SCAPER: variants seen among roughly 807,000 people sequenced by gnomAD.
SCAPER encodes S phase cyclin A-associated protein in the endoplasmic reticulum.
SCAPER carries 98 observed loss-of-function variants against 182.2 expected under a neutral mutation model. The ratio of observed to expected loss-of-function variants is 0.54; its 90% CI spans 0.46 to 0.64. SCAPER has a LOEUF of 0.64. Among genes scored for constraint, SCAPER ranks in the 30% least tolerant of loss-of-function variants. The probability of loss-of-function intolerance (pLI) is 0.00; values close to 1 mark genes in which losing one functional copy is unlikely to be tolerated. For missense variants in SCAPER, 1,432 were observed against 1,690.0 expected (o/e 0.85, Z 2.68); for synonymous variants, 605 against 564.6 (o/e 1.07, Z -1.01).
At chr15:76,429,697 A>G (rs1014228766) in intron 26 of SCAPER, among the ~76,000 whole-genome samples, 4 of 145,978 alleles carry the variant, frequency 2.7e-5, no homozygotes, top group Admixed American at 7.2e-5. Flanking sequence ...GTGCTGTTAA[A>G]AAGCATTCAA....
chr15:76,440,984 C>A (rs980735915), intron 25 of SCAPER, among the ~76,000 whole-genome samples: 3 of 133,172 alleles, frequency 2.3e-5, no homozygotes, highest in African/African-American at 8.7e-5. Flanking sequence ...TGCAGTGGCA[C>A]GATCTTGGCT....
At chr15:76,832,853 T>C (rs951375134) in intron 5 of SCAPER, among the ~76,000 whole-genome samples, 2 of 152,216 alleles carry the variant, frequency 1.3e-5, no homozygotes, top group Admixed American at 6.5e-5. Flanking sequence ...CAGAAACAGA[T>C]GCTGGATGCT....
chr15:76,896,068 T>C, intron 1 of SCAPER, among the ~76,000 whole-genome samples: 1 of 148,464 alleles, frequency 6.7e-6, no homozygotes, highest in Non-Finnish European at 1.5e-5. Context: ...CCATTTACAA[T>C]AGCATAAAAG....
In SCAPER at chr15:76,597,487, T is replaced by G. The variant is rs1377834872; in HGVS notation, c.2712-23203A>C. The stretch of plus-strand genomic sequence containing the variant: ...TCATATGGAACCAAAAAAGAGCCTG[T>G]ACAGCCAAGAGAATCCTAAGCAAAA... On this transcript the variant is annotated intron_variant, in intron 22 of 31. Coordinates refer to ENST00000563290, the MANE Select transcript of SCAPER (RefSeq NM_020843.4). Among the ~76,000 whole-genome samples the G allele has an allele frequency of 2.5e-5, 3 of 120,576 alleles. 1 individual carries two copies. Among genetic ancestry groups the G allele is most frequent in the African/African-American group, 7.6e-5 (3 of 39,540 alleles). 79.1% of individuals were successfully genotyped at this position (120,576 alleles called of 152,430 possible). A position where few individuals can be genotyped will look rare whatever the true frequency, so the allele number is the denominator to read the frequency against.
At chr15:76,652,335 C>T (rs867275162) in intron 21 of SCAPER, among the ~76,000 whole-genome samples, 5 of 15,016 alleles carry the variant, frequency 3.3e-4, no homozygotes, top group African/African-American at 4.4e-4. Context: ...CACACACATA[C>T]ACATATATAC....
At position 76,774,476 on chromosome 15, in the gene SCAPER, A is replaced by G. The variant is rs1053336425; in HGVS notation, c.1035+379T>C. On this transcript the variant is annotated intron_variant, in intron 9 of 31. Coordinates refer to ENST00000563290, the MANE Select transcript of SCAPER (RefSeq NM_020843.4). ...ATAGACTATAAATTAAATAATACATAGATATCAAATTCTCCAAATTTTATA... is the reference window on the plus strand; with the variant it reads ...ATAGACTATAAATTAAATAATACATGGATATCAAATTCTCCAAATTTTATA... 3 of 327,210 alleles carry G rather than the reference A, an allele frequency of 9.2e-6. No individual in the cohort carries two copies. The Admixed American group carries it at 1.4e-4, about 15-fold the overall frequency. The allele number at this position is 327,210 out of a possible 1,614,324, so 20.3% of individuals were successfully genotyped here.
intron 23 of SCAPER, among the ~76,000 whole-genome samples, chr15:76,556,568 CA>C (rs2046214788): frequency 6.6e-6 from 1 of 152,006 alleles, no homozygotes; most frequent in Non-Finnish European, 1.5e-5. Context: ...CACAGATGTA[CA>C]AAAAACCCTC....
intron 15 of SCAPER, among the ~76,000 whole-genome samples, chr15:76,738,996 A>G (rs563637632): frequency 7.2e-5 from 11 of 152,348 alleles, no homozygotes; most frequent in African/African-American, 1.9e-4. Context: ...AAAACAATGC[A>G]TGCCTGTACA....
At chr15:76,754,058 T>C (rs2062259779) in intron 14 of SCAPER, 110 bp from the exon 15 acceptor site, 1 of 1,152,020 alleles carries the variant, frequency 8.7e-7, no homozygotes, top group Non-Finnish European at 1.2e-6. Context: ...TGGAAAAATG[T>C]GCAGCAACAT....
At chr15:76,587,457 C>T (rs879487931) in intron 22 of SCAPER, among the ~76,000 whole-genome samples, 3 of 152,066 alleles carry the variant, frequency 2.0e-5, no homozygotes, top group Non-Finnish European at 4.4e-5. Flanking sequence ...TTTGCTGTAT[C>T]CCAGAGATTT....
At chr15:76,729,872 T>G (rs536943864) in intron 16 of SCAPER, among the ~76,000 whole-genome samples, 50 of 152,238 alleles carry the variant, frequency 3.3e-4, no homozygotes, top group African/African-American at 1.0e-3. Flanking sequence ...AACATGTTCC[T>G]CATCTTATTG....
chr15:76,810,435 A>G (rs377030180), intron 5 of SCAPER, among the ~76,000 whole-genome samples: 22 of 151,810 alleles, frequency 1.4e-4, no homozygotes, highest in African/African-American at 5.3e-4. Context: ...AAAATAGATC[A>G]TTATAACAAT....
At chr15:76,512,259 C>T (rs2042108369) in intron 23 of SCAPER, among the ~76,000 whole-genome samples, 1 of 151,892 alleles carries the variant, frequency 6.6e-6, no homozygotes, top group African/African-American at 2.4e-5. Context: ...ATGAAATCCT[C>T]CATTCTTGTT....
intron 15 of SCAPER, among the ~76,000 whole-genome samples, chr15:76,748,139 C>T (rs562608297): frequency 5.4e-4 from 82 of 151,984 alleles, no homozygotes; most frequent in African/African-American, 1.8e-3. Context: ...TACAGGCATG[C>T]GCCACCATGC....
At chr15:76,541,192 C>T (rs541084909) in intron 23 of SCAPER, among the ~76,000 whole-genome samples, 5 of 129,450 alleles carry the variant, frequency 3.9e-5, no homozygotes, top group African/African-American at 8.6e-5. Flanking sequence ...TGGTATAACA[C>T]GTATTAATAG....
intron 21 of SCAPER, among the ~76,000 whole-genome samples, chr15:76,632,105 C>T (rs1222184153): frequency 6.6e-6 from 1 of 152,108 alleles, no homozygotes; most frequent in Non-Finnish European, 1.5e-5. Context: ...TGCATTGTGA[C>T]GTTCTCGTGT....
At chr15:76,574,085 T>C in intron 23 of SCAPER, 73 bp downstream of exon 23, 9 of 1,467,446 alleles carry the variant, frequency 6.1e-6, no homozygotes, top group Non-Finnish European at 7.3e-6. Flanking sequence ...GTCTGCCTTA[T>C]AGCTCTATGT....
At chr15:76,788,693 TAAGTAA>T (rs1459137704) in intron 8 of SCAPER, among the ~76,000 whole-genome samples, 2 of 152,218 alleles carry the variant, frequency 1.3e-5, no homozygotes, top group African/African-American at 2.4e-5. Flanking sequence ...TTGAAATCTC[TAAGTAA>T]AAGTATGTTT....
intron 2 of SCAPER, among the ~76,000 whole-genome samples, chr15:76,880,250 G>A (rs1167286988): frequency 6.6e-6 from 1 of 152,196 alleles, no homozygotes; most frequent in Non-Finnish European, 1.5e-5. Context: ...ATTTAATTAT[G>A]CCTCAGGAGT....
Sources: allele counts gnomAD v4.1 joint callset (sites outside exome capture counted in the v4.1 genomes callset), GRCh38; gene constraint gnomAD v4.1.1; transcripts MANE v1.5; gene names NCBI Gene and HGNC (gene_info 2026-07-23, HGNC 2026-07-21).